Variants in CARD19 observed in about 807,000 individuals in gnomAD.
CARD19 encodes the protein caspase recruitment domain-containing protein 19.
CARD19 carries 25 observed loss-of-function variants against 24.1 expected under a neutral mutation model. The observed-to-expected ratio is 1.04, with a 90% CI of 0.76 to 1.45. The LOEUF is 1.45. Ranked by LOEUF, CARD19 falls within the 40% of genes most tolerant of loss-of-function variation. The probability of loss-of-function intolerance (pLI) is 0.00; values close to 1 mark genes in which losing one functional copy is unlikely to be tolerated. For synonymous variants in CARD19, 103 were observed against 104.9 expected (o/e 0.98, Z 0.11); for missense variants, 241 against 247.4 (o/e 0.97, Z 0.17).
At chr9:93,098,503 G>A (rs1235600496) in intron 1 of CARD19, among the ~76,000 whole-genome samples, 2 of 152,230 alleles carry the variant, frequency 1.3e-5, no homozygotes, top group African/African-American at 4.8e-5. Flanking sequence ...CAAGAAGGAA[G>A]GGGATGTAGG....
intron 1 of CARD19, among the ~76,000 whole-genome samples, chr9:93,103,122 C>CT (rs1435750139): frequency 6.6e-6 from 1 of 152,002 alleles, no homozygotes; most frequent in Non-Finnish European, 1.5e-5. Context: ...TTCCCTTTTC[C>CT]TTTTTTTGCC....
chr9:93,104,562 GTAGAATTA>G (rs1827187310), intron 1 of CARD19, among the ~76,000 whole-genome samples: 1 of 152,114 alleles, frequency 6.6e-6, no homozygotes, highest in Non-Finnish European at 1.5e-5. Flanking sequence ...TAAATATATG[GTAGAATTA>G]ACCAGCAAAG....
rs1187000500 is a variant in CARD19, at chr9:93,112,304, A to T, written c.436+15A>T. On this transcript the variant is annotated intron_variant, in intron 5 of 5. Coordinates refer to ENST00000375464, the MANE Select transcript of CARD19 (RefSeq NM_032310.5). ...CTATCCGCCAGGTGGGTGCAAGCGG[A>T]TCCTCATGGGGCTGGGCCTGCCTCC... The T allele has an allele frequency of 1.4e-5, 21 of 1,541,478 alleles. No individual in the cohort carries two copies. The East Asian group carries it at 2.0e-4, about 14-fold the overall frequency.
chr9:93,101,992 C>G (rs1433778840), intron 1 of CARD19, among the ~76,000 whole-genome samples: 1 of 143,512 alleles, frequency 7.0e-6, no homozygotes, highest in African/African-American at 2.6e-5. Flanking sequence ...GACCAAGTCT[C>G]GCTCTGTTTC....
intron 2 of CARD19, among the ~76,000 whole-genome samples, chr9:93,108,045 C>T (rs900187283): frequency 6.6e-6 from 1 of 152,186 alleles, no homozygotes; most frequent in Non-Finnish European, 1.5e-5. Flanking sequence ...CTCTGTGCCT[C>T]GGTTTCTTCA....
At chr9:93,099,713 C>A (rs1827008101) in intron 1 of CARD19, among the ~76,000 whole-genome samples, 1 of 152,246 alleles carries the variant, frequency 6.6e-6, no homozygotes, top group African/African-American at 2.4e-5. Flanking sequence ...CTTGACGTCC[C>A]TGTGCTCAGC....
intron 2 of CARD19, chr9:93,108,870 C>T (rs569763066): frequency 6.6e-6 from 1 of 152,346 alleles, no homozygotes; most frequent in East Asian, 1.9e-4. Flanking sequence ...CTGTTCTGCT[C>T]CATCACCCCA....
intron 1 of CARD19, among the ~76,000 whole-genome samples, chr9:93,104,480 GAGA>G (rs1224603645): frequency 1.2e-4 from 18 of 151,840 alleles, no homozygotes. Context: ...TTGTAAGTTT[GAGA>G]AGGATTGGTA....
At chr9:93,110,535 C>T in intron 2 of CARD19, 33 bp from the exon 3 acceptor site, 2 of 1,563,032 alleles carry the variant, frequency 1.3e-6, no homozygotes, top group Non-Finnish European at 1.7e-6. Context: ...CCCCCCTGGC[C>T]TGATCTTCCC....
chr9:93,110,627 G>C lies in CARD19; in HGVS notation c.210G>C (p.Gln70His). ...TCTGTGACCTCCTGAGCCACCTGCA[G>C]CGGAGCGGTGAGCGGGACTGCCAGG... ...VRLCDLLSHL[Q>H]RSGERDCQEF... Residue 70 changes from glutamine (Q) to histidine (H), a missense_variant, in exon 3 of 6, where the codon CAG becomes CAC. Coordinates refer to ENST00000375464, the MANE Select transcript of CARD19 (RefSeq NM_032310.5). The C allele has an allele frequency of 1.9e-6, 3 of 1,613,908 alleles. No individual in the cohort carries two copies. The highest frequency in any genetic ancestry group is 2.5e-6 in the Non-Finnish European group (3 of 1,179,984).
rs185217097 is a variant in CARD19 at position 93,110,710 on chromosome 9, G to A, written c.293G>A (p.Arg98His). The A allele has an allele frequency of 4.7e-5, 76 of 1,611,050 alleles. No individual in the cohort carries two copies. The highest frequency in any genetic ancestry group is 8.9e-5 in the East Asian group (4 of 44,868). ...CCCCTGCACAGCCGCCTGCCCAGCCGCCACGCTCTGCGTAAGTTCCACATC... is the reference window on the plus strand; with the variant it reads ...CCCCTGCACAGCCGCCTGCCCAGCCACCACGCTCTGCGTAAGTTCCACATC... ...AQPLHSRLPS[R>H]HALQNSDCTE... is the part of the protein sequence containing the mutation. The change falls in exon 3 of 6, where the codon CGC becomes CAC. Residue 98 changes from arginine to histidine, a missense_variant. Physicochemically the swap from Arg to His is conservative, Grantham distance 29. Transcript: ENST00000375464.
intron 1 of CARD19, among the ~76,000 whole-genome samples, chr9:93,100,247 GC>G (rs1827028167): frequency 6.6e-6 from 1 of 152,250 alleles, no homozygotes; most frequent in East Asian, 1.9e-4. Context: ...TTGAGTCTGT[GC>G]CTCAAGGAGT....
At position 93,101,589 on chromosome 9, in the gene CARD19, G is replaced by A. The variant is rs148137222; in HGVS notation, c.7+5237G>A. Among the ~76,000 whole-genome samples the A allele has an allele frequency of 5.3e-3, 806 of 151,182 alleles. 12 individuals are homozygous for A. Among genetic ancestry groups the A allele is most frequent in the African/African-American group, 0.019 (774 of 41,184 alleles). On this transcript the variant is annotated intron_variant, in intron 1 of 5. Transcript: ENST00000375464. ...CAAGTAGCTGGGATTACAGGTACCC[G>A]CCATCACACCCAGCTAATTTTTGTA...
At chr9:93,104,062 A>G (rs1190648074) in intron 1 of CARD19, among the ~76,000 whole-genome samples, 1 of 152,204 alleles carries the variant, frequency 6.6e-6, no homozygotes, top group Admixed American at 6.5e-5. Flanking sequence ...TTCTATGTCA[A>G]CTGAAATGGC....
At chr9:93,111,014 T>C (rs1827460854) in intron 3 of CARD19, 1 of 1,460,756 alleles carries the variant, frequency 6.8e-7, no homozygotes, top group Non-Finnish European at 9.1e-7. Context: ...ACGTCCACTC[T>C]TGCCCTTCCT....
chr9:93,097,183 T>C (rs1826905725), intron 1 of CARD19, among the ~76,000 whole-genome samples: 2 of 151,824 alleles, frequency 1.3e-5, no homozygotes, highest in African/African-American at 4.8e-5. Context: ...ACTTCATTCT[T>C]ACTGTTCTGT....
At chr9:93,100,062 C>T (rs951078146) in intron 1 of CARD19, among the ~76,000 whole-genome samples, 1 of 152,252 alleles carries the variant, frequency 6.6e-6, no homozygotes, top group Admixed American at 6.5e-5. Context: ...CCCAGCCCCG[C>T]ACAGGGCGAG....
chr9:93,112,135 C>A (rs1053998325), intron 4 of CARD19, 83 bp from the exon 5 acceptor site: 1 of 1,422,066 alleles, frequency 7.0e-7, no homozygotes, highest in African/African-American at 1.4e-5. Flanking sequence ...CTGGCACCCC[C>A]ACTCCCCTGC....
chr9:93,109,294 C>T (rs1827374371), intron 2 of CARD19, among the ~76,000 whole-genome samples: 1 of 137,598 alleles, frequency 7.3e-6, no homozygotes, highest in African/African-American at 2.4e-5. Context: ...GCCATTTTCA[C>T]ACTGCCATGG....
Sources: allele counts gnomAD v4.1 joint callset (sites outside exome capture counted in the v4.1 genomes callset), GRCh38; gene constraint gnomAD v4.1.1; transcripts MANE v1.5; gene names NCBI Gene and HGNC (gene_info 2026-07-23, HGNC 2026-07-21).